The following HDAC5 variants were observed in gnomAD, a reference collection of about 807,000 sequenced individuals.
The protein encoded by HDAC5 is antigen NY-CO-9.
Under a neutral mutation model 133.3 loss-of-function variants are expected in HDAC5, and 25 were observed. The ratio of observed to expected loss-of-function variants is 0.19; its 90% CI spans 0.14 to 0.26. The LOEUF is 0.26. Ranked by LOEUF, HDAC5 falls within the 10% of genes least tolerant of loss-of-function variation. The pLI, the probability that HDAC5 is intolerant of heterozygous loss-of-function variation, is 1.00. For missense variants in HDAC5, 1,041 were observed against 1,460.5 expected (o/e 0.71, Z 4.68); for synonymous variants, 589 against 610.8 (o/e 0.96, Z 0.53).
intron 10 of HDAC5, 97 bp downstream of exon 10, chr17:44,091,603 C>T: frequency 1.3e-6 from 2 of 1,492,660 alleles, no homozygotes; most frequent in Non-Finnish European, 9.0e-7. Flanking sequence ...CAACAGATCT[C>T]CCTTAGGGCC....
At chr17:44,091,008 T>C (rs1294454540) in intron 11 of HDAC5, among the ~76,000 whole-genome samples, 1 of 152,366 alleles carries the variant, frequency 6.6e-6, no homozygotes, top group East Asian at 1.9e-4. Context: ...CATTTTTTAA[T>C]GTGGATGCTA....
At chr17:44,123,441 G>T (rs1389598291) in intron 1 of HDAC5, 63 bp downstream of exon 1, 12 of 361,300 alleles carry the variant, frequency 3.3e-5, no homozygotes, top group Non-Finnish European at 5.0e-6. Flanking sequence ...CAGGAGGAGG[G>T]GGCGCCGCCT....
At chr17:44,120,879 T>C (rs1002217560) in intron 1 of HDAC5, among the ~76,000 whole-genome samples, 8 of 151,200 alleles carry the variant, frequency 5.3e-5, no homozygotes, top group African/African-American at 1.9e-4. Context: ...GCCTAGTGCC[T>C]CCCCCAAGCT....
chr17:44,091,778 G>T lies in HDAC5; in HGVS notation c.1086C>A (p.Ser362Arg), dbSNP rs1251332069. ...LPLDSSPNQF[S>R]LYTSPSLPNI... ...TGGGCAGAGAAGGAGACGTGTAGAG[G>T]CTGAACTGGTTGGGGGAGCTGTCCA... The change falls in exon 10 of 27, where the codon AGC (serine) becomes AGA (arginine). Residue 362 changes from serine to arginine, a missense_variant. Physicochemically the swap from Ser to Arg is moderately radical, Grantham distance 110. This residue lies in a region of HDAC5 where 433 missense variants were observed against 531.6 expected (regional missense o/e 0.81). Coordinates refer to ENST00000682912, the MANE Select transcript of HDAC5 (RefSeq NM_005474.5). The T allele has an allele frequency of 6.2e-7, 1 of 1,602,188 alleles. No individual in the cohort carries two copies. The highest frequency in any genetic ancestry group is 8.5e-7 in the Non-Finnish European group (1 of 1,174,434).
chr17:44,116,555 A>G (rs1433984858), intron 2 of HDAC5, among the ~76,000 whole-genome samples: 1 of 152,220 alleles, frequency 6.6e-6, no homozygotes, highest in Non-Finnish European at 1.5e-5. Flanking sequence ...AAAAGGAGAA[A>G]TATCCACCTA....
rs752606787 is a variant in HDAC5 at position 44,083,894 on chromosome 17, CG to C, written c.2306-41del. ...AATAGAGCTACTCTAGAAGTGGCCT[CG>C]GGCGGATCACCTGAGGTCAGGAGTT... is the stretch of plus-strand genomic sequence containing the variant. On this transcript the variant is annotated intron_variant, in intron 16 of 26. Transcript: ENST00000682912. 4 of 1,570,328 alleles carry C rather than the reference CG, an allele frequency of 2.5e-6. No homozygotes were observed. In the African/African-American group the frequency reaches 4.1e-5, roughly 16 times the overall value.
intron 16 of HDAC5, among the ~76,000 whole-genome samples, 193 bp downstream of exon 16, chr17:44,084,362 G>A (rs1318830526): frequency 1.3e-5 from 2 of 152,282 alleles, no homozygotes; most frequent in East Asian, 1.9e-4. Flanking sequence ...CTCCTGCACC[G>A]CGCCCCACAG....
In HDAC5 at chr17:44,102,094, C is replaced by T. The variant is rs564459891; in HGVS notation, c.95-8260G>A. The stretch of plus-strand genomic sequence containing the variant: ...GTGCTCTAGGAGCACAAACTGTGGA[C>T]GCACACTGACAGGCCCAGCACTTAA... On this transcript the variant is annotated intron_variant, in intron 3 of 26. Coordinates refer to ENST00000682912, the MANE Select transcript of HDAC5 (RefSeq NM_005474.5). 3.2e-4 allele frequency among the ~76,000 whole-genome samples: 48 copies of T among 152,326 alleles called. No homozygotes were observed. In the East Asian group the frequency reaches 8.1e-3, roughly 26 times the overall value.
intron 3 of HDAC5, among the ~76,000 whole-genome samples, chr17:44,102,581 C>T (rs1439483063): frequency 2.0e-5 from 3 of 151,522 alleles, no homozygotes; most frequent in Admixed American, 2.0e-4. Flanking sequence ...GGCTGGTCTC[C>T]AACTCTTGAC....
chr17:44,086,628 G>A lies in HDAC5; in HGVS notation c.1994C>T (p.Ala665Val), dbSNP rs755989006. 44 of 1,302,996 alleles carry A rather than the reference G, an allele frequency of 3.4e-5. No homozygotes were observed. The highest frequency in any genetic ancestry group is 4.2e-5 in the Non-Finnish European group (43 of 1,018,052). The allele number at this position is 1,302,996 out of a possible 1,614,324, so 80.7% of individuals were successfully genotyped here. Reference protein sequence around the residue: ...ALGRTQSSPAAPGGMKSPPDQ... With the variant: ...ALGRTQSSPAVPGGMKSPPDQ... ...TGGGGGGCTCTTCATGCCCCCAGGGGCAGCAGGGGAGGACTGGGTACGGCC... is the reference window on the plus strand; with the variant it reads ...TGGGGGGCTCTTCATGCCCCCAGGGACAGCAGGGGAGGACTGGGTACGGCC... Residue 665 changes from alanine (A) to valine (V), a missense_variant, in exon 14 of 27, where the codon GCC (alanine) becomes GTC (valine). Physicochemically the swap from Ala to Val is moderately conservative, Grantham distance 64. Around this residue, in one of 9 missense-constraint regions of HDAC5, gnomAD observed 433 missense variants for 531.6 expected, o/e 0.81. Transcript: ENST00000682912.
At chr17:44,079,026 A>G in intron 24 of HDAC5, 118 bp downstream of exon 24, 2 of 1,512,566 alleles carry the variant, frequency 1.3e-6, no homozygotes, top group South Asian at 2.4e-5. Flanking sequence ...AAGCCTGGCC[A>G]TTAGCTGTTC....
At chr17:44,119,826 T>A (rs1177772662) in intron 1 of HDAC5, among the ~76,000 whole-genome samples, 1 of 152,106 alleles carries the variant, frequency 6.6e-6, no homozygotes, top group Non-Finnish European at 1.5e-5. Context: ...GCCAGAGAAA[T>A]CTGTTGGGTC....
chr17:44,097,741 G>C (rs1054913323), intron 3 of HDAC5, among the ~76,000 whole-genome samples: 1 of 152,286 alleles, frequency 6.6e-6, no homozygotes, highest in Non-Finnish European at 1.5e-5. Context: ...TGCCTGCCCA[G>C]GGAAGGGCAG....
chr17:44,084,256 A>AC (rs1414999250), intron 16 of HDAC5, among the ~76,000 whole-genome samples: 2 of 151,986 alleles, frequency 1.3e-5, no homozygotes, highest in Non-Finnish European at 2.9e-5. Context: ...GTCCTTGGGG[A>AC]CGTCTTACCT....
intron 3 of HDAC5, among the ~76,000 whole-genome samples, chr17:44,102,738 G>T (rs1468204080): frequency 8.0e-6 from 1 of 124,738 alleles, no homozygotes; most frequent in Non-Finnish European, 1.7e-5. Flanking sequence ...GTGATCTCGG[G>T]TCACTGCAAC....
intron 25 of HDAC5, 56 bp downstream of exon 25, chr17:44,078,739 C>T (rs372123617): frequency 3.1e-6 from 5 of 1,610,556 alleles, no homozygotes; most frequent in Non-Finnish European, 4.2e-6. Flanking sequence ...TCCTGGTGCT[C>T]CCACAAGCTC....
chr17:44,078,207 C>T lies in HDAC5; in HGVS notation c.*169G>A, dbSNP rs1322741663. 5 of 604,104 alleles carry T rather than the reference C, an allele frequency of 8.3e-6. No individual in the cohort carries two copies. The South Asian group carries it at 8.7e-5, about 11-fold the overall frequency. The allele number at this position is 604,104 out of a possible 1,614,324, so 37.4% of individuals were successfully genotyped here. A position where few individuals can be genotyped will look rare whatever the true frequency, so the allele number is the denominator to read the frequency against. ...CTGCAGAGGGAGCAGGCTTCTAGAG[C>T]TGAGGTGGAAGCCACAGGGCTGGGG... On this transcript the variant is annotated 3_prime_UTR_variant, in exon 27 of 27. Transcript: ENST00000682912.
At chr17:44,114,234 G>A (rs892227786) in intron 2 of HDAC5, among the ~76,000 whole-genome samples, 2 of 152,244 alleles carry the variant, frequency 1.3e-5, no homozygotes, top group Non-Finnish European at 2.9e-5. Context: ...GGTGTGCCAG[G>A]GGGCATCTCA....
intron 3 of HDAC5, among the ~76,000 whole-genome samples, chr17:44,104,440 G>C (rs567016282): frequency 6.6e-6 from 1 of 152,204 alleles, no homozygotes; most frequent in Admixed American, 6.5e-5. Context: ...CCCACCAGAG[G>C]GAAGTCTTAG....
Sources: gnomAD v4.1 joint callset for allele counts (sites outside exome capture counted in the v4.1 genomes callset) on GRCh38, gnomAD v4.1.1 for gene constraint, gnomAD v4.1.1 regional missense constraint, MANE v1.5 for transcripts, NCBI Gene and HGNC (gene_info 2026-07-23, HGNC 2026-07-21) for gene names.